The following KBTBD3 variants were observed in gnomAD, a reference collection of about 807,000 sequenced individuals.
The protein encoded by KBTBD3 is kelch repeat and BTB domain containing 3.
KBTBD3 carries 38 observed loss-of-function variants against 49.6 expected under a neutral mutation model. The observed-to-expected ratio is 0.77, with a 90% CI of 0.59 to 1.00. KBTBD3 has a LOEUF of 1.00. KBTBD3 is among the 50% of genes least tolerant of loss of function. The pLI is 0.00. For synonymous variants in KBTBD3, 214 were observed against 250.4 expected, an observed-to-expected ratio of 0.85 and a Z score of 1.37; for missense variants, 661 against 712.0, an observed-to-expected ratio of 0.93 and a Z score of 0.81.
At chr11:106,058,548 T>A (rs1860608340) in intron 3 of KBTBD3, among the ~76,000 whole-genome samples, 1 of 151,862 alleles carries the variant, frequency 6.6e-6, no homozygotes, top group African/African-American at 2.4e-5. Context: ...CTCAGCCTCC[T>A]GTATAGCTGG....
chr11:106,070,240 T>A (rs1288714120), intron 2 of KBTBD3, among the ~76,000 whole-genome samples: 1 of 151,888 alleles, frequency 6.6e-6, no homozygotes, highest in Non-Finnish European at 1.5e-5. Context: ...ATGAAAAAAA[T>A]TAATAGATTG....
chr11:106,053,907 A>T lies in KBTBD3; in HGVS notation c.782T>A (p.Leu261Ter), dbSNP rs1178760940. 6.2e-7 allele frequency: 1 copy of T among 1,613,876 alleles called. No homozygotes were observed. Among genetic ancestry groups the T allele is most frequent in the Non-Finnish European group, 8.5e-7 (1 of 1,179,914 alleles). The part of the protein sequence containing the change: ...LQDCLFNEES[L>*]LKSTNCFDII... Reference sequence around the variant, plus strand: ...GTCAAAACAGTTTGTGCTTTTGAGTAAACTCTCTTCATTGAACAGACAGTC... The same window carrying T: ...GTCAAAACAGTTTGTGCTTTTGAGTTAACTCTCTTCATTGAACAGACAGTC... The change falls in exon 4 of 4, where the codon TTA becomes TAA. Residue 261 changes from leucine (L) to a stop codon, truncating the protein, a stop_gained. Coordinates refer to ENST00000531837, the MANE Select transcript of KBTBD3 (RefSeq NM_198439.3). LOFTEE classifies it high-confidence loss of function.
chr11:106,066,336 AT>A (rs751610698), intron 2 of KBTBD3, among the ~76,000 whole-genome samples: 54 of 152,328 alleles, frequency 3.5e-4, no homozygotes, highest in Non-Finnish European at 6.6e-4. Flanking sequence ...ATCAAAAATA[AT>A]TTATACAGTT....
In KBTBD3 at chr11:106,054,060, G is replaced by A. The variant is rs1434536452; in HGVS notation, c.629C>T (p.Pro210Leu). The change falls in exon 4 of 4, where the codon CCT (proline) becomes CTT (leucine). Residue 210 changes from proline (P) to leucine (L), a missense_variant. Physicochemically the swap from Pro to Leu is moderately conservative, Grantham distance 98 (BLOSUM62 -3). Coordinates refer to ENST00000531837, the MANE Select transcript of KBTBD3 (RefSeq NM_198439.3). Reference protein sequence around the residue: ...KCLESDELNVPEEEMVLKVVL... With the variant: ...KCLESDELNVLEEEMVLKVVL... ...AACTTTCAGTACCATTTCTTCTTCA[G>A]GAACATTTAATTCATCTGATTCCAG... 2 of 1,613,286 alleles carry A rather than the reference G, an allele frequency of 1.2e-6. No homozygotes were observed. Among genetic ancestry groups the A allele is most frequent in the Non-Finnish European group, 1.7e-6 (2 of 1,179,712 alleles).
chr11:106,054,492 AT>A (rs764906356), intron 3 of KBTBD3, 37 bp from the exon 4 acceptor site: 3 of 1,417,984 alleles, frequency 2.1e-6, no homozygotes, highest in Middle Eastern at 2.3e-4. Context: ...CAGCAAGAAT[AT>A]TTTATTCCAT....
chr11:106,056,672 T>C (rs575863616), intron 3 of KBTBD3, among the ~76,000 whole-genome samples: 123 of 152,352 alleles, frequency 8.1e-4, no homozygotes, highest in Non-Finnish European at 1.5e-3. Flanking sequence ...GTCCCATTTT[T>C]ATAATCCTAC....
Position 106,053,850 on chromosome 11 carries a change from C to A in KBTBD3, c.839G>T (p.Gly280Val), listed in dbSNP as rs1860490599. 6.2e-7 allele frequency: 1 copy of A among 1,613,954 alleles called. No individual in the cohort carries two copies. The highest frequency in any genetic ancestry group is 1.3e-5 in the African/African-American group (1 of 75,004). The change falls in exon 4 of 4, where the codon GGT (glycine) becomes GTT (valine). Residue 280 changes from glycine (G) to valine (V), a missense_variant. Transcript: ENST00000531837. ...IIMDAIKCVQ[G>V]SGGLFPDARP... is the part of the protein sequence containing the mutation. ...AGCATCAGGGAAGAGTCCACCAGAA[C>A]CTTGCACACACTTAATTGCATCCAT... is the stretch of plus-strand genomic sequence containing the variant.
Position 106,054,451 on chromosome 11 carries a change from T to C in KBTBD3, c.238A>G (p.Met80Val), listed in dbSNP as rs1286642460. 2 of 1,521,698 alleles carry C rather than the reference T, an allele frequency of 1.3e-6. No homozygotes were observed. The highest frequency in any genetic ancestry group is 1.8e-6 in the Non-Finnish European group (2 of 1,134,774). 94.3% of individuals were successfully genotyped at this position (1,521,698 alleles called of 1,614,324 possible). The change falls in exon 4 of 4, where the codon ATG (methionine) becomes GTG (valine). Residue 80 changes from methionine (M) to valine (V), a missense_variant. Physicochemically the swap from Met to Val is conservative, Grantham distance 21 (BLOSUM62 1). Transcript: ENST00000531837. ...CTTTCTTTCATGTTTACTTCAAACA[T>C]AGCCCTGCAAAAATAAAGAACACAG... Reference protein sequence around the residue: ...LAACSDFFRAMFEVNMKERDD... With the variant: ...LAACSDFFRAVFEVNMKERDD...
At chr11:106,061,438 T>C (rs767851973) in intron 2 of KBTBD3, among the ~76,000 whole-genome samples, 1 of 152,216 alleles carries the variant, frequency 6.6e-6, no homozygotes, top group Non-Finnish European at 1.5e-5. Context: ...TGAGTGACAA[T>C]TTGTTTGGGA....
intron 2 of KBTBD3, among the ~76,000 whole-genome samples, chr11:106,068,206 G>A (rs898283872): frequency 6.6e-6 from 1 of 152,112 alleles, no homozygotes; most frequent in Admixed American, 6.5e-5. Context: ...CAAGAAGTCA[G>A]TAAGCATATA....
rs1469124849 is a variant in KBTBD3 at position 106,053,362 on chromosome 11, C to T, written c.1327G>A (p.Gly443Ser). The T allele has an allele frequency of 6.2e-7, 1 of 1,613,218 alleles. No individual in the cohort carries two copies. The highest frequency in any genetic ancestry group is 8.5e-7 in the Non-Finnish European group (1 of 1,179,788). Residue 443 changes from glycine to serine, a missense_variant, in exon 4 of 4, where the codon GGC becomes AGC. By Grantham distance (56) the Gly-to-Ser change is moderately conservative. Coordinates refer to ENST00000531837, the MANE Select transcript of KBTBD3 (RefSeq NM_198439.3). ...EWISVSPLPR[G>S]IYYPEASTCQ... ...GTGCTTGCTTCTGGATAGTATATGC[C>T]TCTGGGTAATGGGCTAACAGATATC...
intron 2 of KBTBD3, among the ~76,000 whole-genome samples, chr11:106,074,898 T>G (rs536350500): frequency 2.2e-4 from 34 of 152,316 alleles, no homozygotes; most frequent in African/African-American, 8.2e-4. Flanking sequence ...TATGGAGCTA[T>G]TCAAATAAGT....
At chr11:106,069,594 T>TAA (rs540046688) in intron 2 of KBTBD3, among the ~76,000 whole-genome samples, 2 of 144,706 alleles carry the variant, frequency 1.4e-5, no homozygotes, top group Non-Finnish European at 1.5e-5. Flanking sequence ...TATAAAATGC[T>TAA]AAAAAAAAAA....
intron 2 of KBTBD3, among the ~76,000 whole-genome samples, chr11:106,064,327 C>T (rs1399510028): frequency 6.6e-6 from 1 of 152,006 alleles, no homozygotes; most frequent in East Asian, 1.9e-4. Flanking sequence ...GGGTGGATCA[C>T]CTCAGGTCAG....
chr11:106,073,720 A>G (rs999781334), intron 2 of KBTBD3, among the ~76,000 whole-genome samples: 14 of 152,168 alleles, frequency 9.2e-5, no homozygotes, highest in African/African-American at 3.4e-4. Flanking sequence ...CAGTTTTAGG[A>G]AATTAAAGGC....
chr11:106,065,236 G>C (rs1860785487), intron 2 of KBTBD3, among the ~76,000 whole-genome samples: 1 of 152,122 alleles, frequency 6.6e-6, no homozygotes, highest in African/African-American at 2.4e-5. Context: ...TTGATCTCTT[G>C]ACCTCGTGAT....
Position 106,052,633 on chromosome 11 carries a change from C to A in KBTBD3, c.*217G>T. The A allele has an allele frequency of 4.4e-6, 2 of 454,902 alleles. No individual in the cohort carries two copies. The highest frequency in any genetic ancestry group is 3.4e-5 in the South Asian group (1 of 29,010). 28.2% of individuals were successfully genotyped at this position (454,902 alleles called of 1,614,324 possible). On this transcript the variant is annotated 3_prime_UTR_variant, in exon 4 of 4. Transcript: ENST00000531837. Reference sequence around the variant, plus strand: ...GTTTCATGTGAAAATACTAAGTATTCTGGATTCCCCAAGGTTAAATTATAT... The same window carrying A: ...GTTTCATGTGAAAATACTAAGTATTATGGATTCCCCAAGGTTAAATTATAT...
rs1478322699 is a variant in KBTBD3, at chr11:106,052,599, T to C, written c.*251A>G. The C allele has an allele frequency of 1.6e-5, 6 of 382,632 alleles. No homozygotes were observed. Among genetic ancestry groups the C allele is most frequent in the Non-Finnish European group, 2.8e-5 (6 of 214,530 alleles). 23.7% of individuals were successfully genotyped at this position (382,632 alleles called of 1,614,324 possible). A position where few individuals can be genotyped will look rare whatever the true frequency, so the allele number is the denominator to read the frequency against. ...TTAAAAATCAAAGTGTCAGAGTCTA[T>C]GATTTGTAGTTTCATGTGAAAATAC... On this transcript the variant is annotated 3_prime_UTR_variant, in exon 4 of 4. Coordinates refer to ENST00000531837, the MANE Select transcript of KBTBD3 (RefSeq NM_198439.3).
rs891244587 is a variant in KBTBD3, at chr11:106,054,347, T to G, written c.342A>C (p.Lys114Asn). 1 of 1,613,278 alleles carries G rather than the reference T, an allele frequency of 6.2e-7. No homozygotes were observed. The highest frequency in any genetic ancestry group is 1.3e-5 in the African/African-American group (1 of 75,012). The change falls in exon 4 of 4, where the codon AAA becomes AAC. Residue 114 changes from lysine to asparagine, a missense_variant. By Grantham distance (94) the Lys-to-Asn change is moderately conservative. Coordinates refer to ENST00000531837, the MANE Select transcript of KBTBD3 (RefSeq NM_198439.3). ...CCACATTATCATCTGTTATTTTTGTTTTTCCAGTATAGGCATAATCGAGAA... is the reference window on the plus strand; with the variant it reads ...CCACATTATCATCTGTTATTTTTGTGTTTCCAGTATAGGCATAATCGAGAA... Reference protein sequence around the residue: ...KAFLDYAYTGKTKITDDNVEM... With the variant: ...KAFLDYAYTGNTKITDDNVEM...
Sources: allele counts gnomAD v4.1 joint callset (sites outside exome capture counted in the v4.1 genomes callset), GRCh38; gene constraint gnomAD v4.1.1; transcripts MANE v1.5; gene names NCBI Gene and HGNC (gene_info 2026-07-23, HGNC 2026-07-21).